ARSD: variants seen among roughly 807,000 people sequenced by gnomAD.
ARSD encodes the protein arylsulfatase D.
ARSD carries 21 observed loss-of-function variants against 32.6 expected under a neutral mutation model. The observed-to-expected ratio is 0.64, with a 90% CI of 0.46 to 0.93. ARSD has a LOEUF of 0.93. Among genes scored for constraint, ARSD ranks in the 40% least tolerant of loss-of-function variants. ARSD has a pLI of 0.00. For missense variants in ARSD, 454 were observed against 520.9 expected, an observed-to-expected ratio of 0.87 and a Z score of 1.25; for synonymous variants, 224 against 237.4, an observed-to-expected ratio of 0.94 and a Z score of 0.52.
chrX:2,917,874 T>A lies in ARSD; in HGVS notation c.793A>T (p.Thr265Ser). The change falls in exon 5 of 10, where the codon ACG becomes TCG. Residue 265 changes from threonine (T) to serine (S), a missense_variant. Coordinates refer to ENST00000381154, the MANE Select transcript of ARSD (RefSeq NM_001669.4). Reference protein sequence around the residue: ...NCILMRNHDVTEQPMVLEKTA... With the variant: ...NCILMRNHDVSEQPMVLEKTA... ...TTCTCCAGAACCATGGGTTGCTCCG[T>A]GACGTCATGGTTTCTCATCAGGATA... 8.3e-7 allele frequency: 1 copy of A among 1,212,064 alleles called. No homozygotes were observed. The highest frequency in any genetic ancestry group is 1.1e-6 in the Non-Finnish European group (1 of 895,421).
intron 4 of ARSD, among the ~76,000 whole-genome samples, chrX:2,918,876 G>A (rs534156119): frequency 3.6e-5 from 4 of 112,235 alleles, no homozygotes; most frequent in African/African-American, 1.3e-4. Context: ...CACTCTGGGA[G>A]GCCAAGGTAG....
intron 4 of ARSD, 186 bp downstream of exon 4, chrX:2,920,415 G>T: frequency 4.3e-6 from 2 of 465,973 alleles, no homozygotes; most frequent in Non-Finnish European, 3.6e-6. Flanking sequence ...TTGTCACCTA[G>T]ACTGGAGTGC....
rs143749958 is a variant in ARSD, at chrX:2,920,219, A to G, written c.439+382T>C. Among the ~76,000 whole-genome samples, 419 of 110,720 alleles carry G rather than the reference A, an allele frequency of 3.8e-3. 8 individuals are homozygous for G. The highest frequency in any genetic ancestry group is 0.012 in the African/African-American group (374 of 30,447). ...GAAGACTGATAGGTCCAGAGAAGAA[A>G]AGAGGGCAATCTCCTAGGATTTTGA... On this transcript the variant is annotated intron_variant, in intron 4 of 9. Coordinates refer to ENST00000381154, the MANE Select transcript of ARSD (RefSeq NM_001669.4).
Position 2,904,255 on chromosome X carries a change from C to T in ARSD, c.*3016G>A, listed in dbSNP as rs2088836580. On this transcript the variant is annotated 3_prime_UTR_variant, in exon 10 of 10. Transcript: ENST00000381154. ...AGTCCTGAGGAATGGAAGAATATAG[C>T]TGCCAGGTATCCCAAGTCTAGGGCA... 9.0e-6 allele frequency: 1 copy of T among 111,341 alleles called. No homozygotes were observed. 9.2% of individuals were successfully genotyped at this position (111,341 alleles called of 1,213,427 possible). A position where few individuals can be genotyped will look rare whatever the true frequency, so the allele number is the denominator to read the frequency against.
At position 2,907,211 on chromosome X, in the gene ARSD, G is replaced by A. The variant is rs2088858052; in HGVS notation, c.*60C>T. ...GGAAGCTGAAGATAGAACCAAGCTTGGAGAATTTTGTTTGCAACGCAGTCA... is the reference window on the plus strand; with the variant it reads ...GGAAGCTGAAGATAGAACCAAGCTTAGAGAATTTTGTTTGCAACGCAGTCA... On this transcript the variant is annotated 3_prime_UTR_variant, in exon 10 of 10. Transcript: ENST00000381154. 1 of 1,090,501 alleles carries A rather than the reference G, an allele frequency of 9.2e-7. No individual in the cohort carries two copies. The highest frequency in any genetic ancestry group is 2.1e-5 in the South Asian group (1 of 47,539). 89.9% of individuals were successfully genotyped at this position (1,090,501 alleles called of 1,213,427 possible).
intron 3 of ARSD, among the ~76,000 whole-genome samples, chrX:2,921,529 G>A (rs780879527): frequency 1.8e-5 from 2 of 111,659 alleles, no homozygotes; most frequent in East Asian, 5.6e-4. Context: ...CATCTAGCAT[G>A]TATCTAGCTG....
chrX:2,914,057 G>C lies in ARSD; in HGVS notation c.1000+1499C>G, dbSNP rs990638687. ...TGCCATGCTTCCTGTGCAGCCTGCA[G>C]AACCGTGAGCCAATCCAACCTCTTT... is the stretch of plus-strand genomic sequence containing the variant. On this transcript the variant is annotated intron_variant, in intron 6 of 9. Transcript: ENST00000381154. 5 of 653,494 alleles carry C rather than the reference G, an allele frequency of 7.7e-6. No individual in the cohort carries two copies. In the African/African-American group the frequency reaches 1.2e-4, roughly 16 times the overall value. 53.9% of individuals were successfully genotyped at this position (653,494 alleles called of 1,213,427 possible). A position where few individuals can be genotyped will look rare whatever the true frequency, so the allele number is the denominator to read the frequency against.
chrX:2,922,842 C>CAAAAAAAAAAAAAAAAAA (rs60380048), intron 2 of ARSD, among the ~76,000 whole-genome samples: 25 of 43,713 alleles, frequency 5.7e-4, no homozygotes, highest in Non-Finnish European at 9.4e-4. Flanking sequence ...GACCGTGTCT[C>CAAAAAAAAAAAAAAAAAA]AAAAAAAAAA....
intron 5 of ARSD, among the ~76,000 whole-genome samples, chrX:2,916,315 T>C (rs1368785563): frequency 9.2e-6 from 1 of 108,145 alleles, no homozygotes; most frequent in Non-Finnish European, 1.9e-5. Context: ...CATGGTGAAA[T>C]GGTGAAACCC....
chrX:2,922,137 A>G (rs1216335874), intron 2 of ARSD, 113 bp from the exon 3 acceptor site: 3 of 947,679 alleles, frequency 3.2e-6, no homozygotes, highest in Non-Finnish European at 4.2e-6. Flanking sequence ...GGATTTCAGA[A>G]TTAGTTGCAT....
At chrX:2,911,180 T>G (rs2088897776) in intron 6 of ARSD, among the ~76,000 whole-genome samples, 1 of 111,388 alleles carries the variant, frequency 9.0e-6, no homozygotes, top group African/African-American at 3.3e-5. Flanking sequence ...AAGACCAGCC[T>G]GGCCATTATG....
intron 1 of ARSD, among the ~76,000 whole-genome samples, chrX:2,925,985 T>C (rs1214140061): frequency 8.9e-6 from 1 of 111,782 alleles, no homozygotes; most frequent in Non-Finnish European, 1.9e-5. Flanking sequence ...GAGATGCAGA[T>C]GAATTGGGAA....
At chrX:2,913,359 C>T (rs1033609350) in intron 6 of ARSD, 1 of 170,193 alleles carries the variant, frequency 5.9e-6, no homozygotes, top group Non-Finnish European at 9.4e-6. Context: ...GTTCATGCTG[C>T]GGGGGGTAGA....
chrX:2,922,176 C>T lies in ARSD; in HGVS notation c.195-152G>A, dbSNP rs1603461277. On this transcript the variant is annotated intron_variant, in intron 2 of 9. Transcript: ENST00000381154. ...GGTCTCCTGCAGCGGTAGATTGACC[C>T]CATCCTAAGTTTGGTGTTGATGTTG... The T allele has an allele frequency of 4.3e-6, 3 of 702,199 alleles. No homozygotes were observed. The South Asian group carries it at 9.7e-5, about 23-fold the overall frequency. The allele number at this position is 702,199 out of a possible 1,213,427, so 57.9% of individuals were successfully genotyped here. A position where few individuals can be genotyped will look rare whatever the true frequency, so the allele number is the denominator to read the frequency against.
At chrX:2,925,566 T>C (rs369733405) in intron 2 of ARSD, 50 bp downstream of exon 2, 2 of 1,168,547 alleles carry the variant, frequency 1.7e-6, no homozygotes, top group Non-Finnish European at 2.3e-6. Context: ...AAATGCACCA[T>C]TCCGTCAAAC....
At chrX:2,912,707 G>C (rs1428859378) in intron 6 of ARSD, among the ~76,000 whole-genome samples, 1 of 111,467 alleles carries the variant, frequency 9.0e-6, no homozygotes, top group African/African-American at 3.3e-5. Flanking sequence ...AAAGACACTG[G>C]GGAGAGGGAA....
intron 3 of ARSD, 60 bp from the exon 4 acceptor site, chrX:2,920,783 A>G (rs1569091075): frequency 7.7e-6 from 9 of 1,172,374 alleles, no homozygotes; most frequent in Non-Finnish European, 1.0e-5. Context: ...GCACTTCTCA[A>G]CCAGAGGGAT....
At chrX:2,923,990 G>A (rs2089056522) in intron 2 of ARSD, among the ~76,000 whole-genome samples, 1 of 112,478 alleles carries the variant, frequency 8.9e-6, no homozygotes, top group Admixed American at 9.4e-5. Context: ...AACCAGGCCT[G>A]CTCAGGGTGT....
intron 3 of ARSD, 31 bp downstream of exon 3, chrX:2,921,871 AC>A: frequency 8.3e-7 from 1 of 1,201,053 alleles, no homozygotes; most frequent in South Asian, 1.8e-5. Flanking sequence ...ACACAGATGT[AC>A]CCATTTCTCC....
Sources: gnomAD v4.1 joint callset for allele counts (sites outside exome capture counted in the v4.1 genomes callset) on GRCh38, gnomAD v4.1.1 for gene constraint, MANE v1.5 for transcripts, NCBI Gene and HGNC (gene_info 2026-07-23, HGNC 2026-07-21) for gene names.